Variants in RBM47 observed in about 807,000 individuals in gnomAD.
RBM47 encodes RNA binding motif protein 47, also known as RNA-binding protein 47.
Under a neutral mutation model 47.1 loss-of-function variants are expected in RBM47, and 21 were observed. That is an observed-to-expected ratio of 0.45 (90% CI 0.32 to 0.64). RBM47 has a LOEUF of 0.64. Ranked by LOEUF, RBM47 falls within the 30% of genes least tolerant of loss-of-function variation. The pLI, the probability that RBM47 is intolerant of heterozygous loss-of-function variation, is 0.05. For missense variants in RBM47, 708 were observed against 870.9 expected, an observed-to-expected ratio of 0.81 and a Z score of 2.35; for synonymous variants, 375 against 361.7, an observed-to-expected ratio of 1.04 and a Z score of -0.42.
chr4:40,437,110 T>TATATATAA lies in RBM47; in HGVS notation c.1124-464_1124-463insTTATATAT, dbSNP rs1434102827. Among the ~76,000 whole-genome samples the TATATATAA allele has an allele frequency of 4.5e-3, 269 of 59,608 alleles. 11 individuals are homozygous for TATATATAA. Among genetic ancestry groups the TATATATAA allele is most frequent in the African/African-American group, 5.7e-3 (59 of 10,342 alleles). The allele number at this position is 59,608 out of a possible 152,430, so 39.1% of individuals were successfully genotyped here. On this transcript the variant is annotated intron_variant, in intron 4 of 6. Transcript: ENST00000295971. ...AAAAAAATATATATATATATATATA[T>TATATATAA]AAAATACATATATATATATATAAAA...
At chr4:40,514,133 C>T (rs1473773744) in intron 2 of RBM47, among the ~76,000 whole-genome samples, 4 of 152,098 alleles carry the variant, frequency 2.6e-5, no homozygotes, top group East Asian at 3.8e-4. Flanking sequence ...TTTAGCAAAA[C>T]CTTTAAATGG....
chr4:40,590,624 G>C (rs574848873), intron 1 of RBM47, among the ~76,000 whole-genome samples: 1 of 152,280 alleles, frequency 6.6e-6, no homozygotes, highest in South Asian at 2.1e-4. Flanking sequence ...ACAGCCCAAA[G>C]GGCGGAACAA....
rs1270721042 is a variant in RBM47 at position 40,426,075 on chromosome 4, G to A, written c.1611C>T (p.Tyr537=). 2.7e-5 allele frequency: 44 copies of A among 1,614,094 alleles called. No homozygotes were observed. Among genetic ancestry groups the A allele is most frequent in the Non-Finnish European group, 3.5e-5 (41 of 1,180,052 alleles). Residue 537 remains tyrosine, a synonymous_variant, in exon 7 of 7, where the codon TAC becomes TAT. Transcript: ENST00000295971. ...CAGCAAATGGCACGTAACTGGCCCC[G>A]TAGATCCCGGCAGTAGGAATTCTCT... ...NVQRIPTAGI[Y]GASYVPFAAP...
intron 1 of RBM47, among the ~76,000 whole-genome samples, chr4:40,578,155 A>C (rs540096824): frequency 1.3e-5 from 2 of 152,322 alleles, no homozygotes; most frequent in Non-Finnish European, 2.9e-5. Context: ...CGAAGAAATA[A>C]CACCAAATTT....
intron 6 of RBM47, chr4:40,426,645 G>C (rs1042814204): frequency 6.5e-6 from 1 of 154,824 alleles, no homozygotes; most frequent in African/African-American, 2.4e-5. Context: ...AAAGTCTTGG[G>C]ACCCATACAC....
At chr4:40,607,150 A>ATGGACTAT (rs1476557323) in intron 1 of RBM47, among the ~76,000 whole-genome samples, 2 of 152,216 alleles carry the variant, frequency 1.3e-5, no homozygotes, top group Non-Finnish European at 2.9e-5. Flanking sequence ...TGTCCGTACA[A>ATGGACTAT]TGGACTATTA....
chr4:40,517,766 T>G lies in RBM47; in HGVS notation c.-155+26656A>C, dbSNP rs1045147621. Among the ~76,000 whole-genome samples, 3 of 152,226 alleles carry G rather than the reference T, an allele frequency of 2.0e-5. No individual in the cohort carries two copies. In the South Asian group the frequency reaches 6.2e-4, roughly 31 times the overall value. On this transcript the variant is annotated intron_variant, in intron 2 of 6. Transcript: ENST00000295971. ...GACGGCTGTGTCTGTACTAAACACATAGACTTCTTTTTCTTGTCATTATTC... is the reference window on the plus strand; with the variant it reads ...GACGGCTGTGTCTGTACTAAACACAGAGACTTCTTTTTCTTGTCATTATTC...
intron 2 of RBM47, among the ~76,000 whole-genome samples, chr4:40,521,567 G>A (rs1211224445): frequency 6.6e-6 from 1 of 152,208 alleles, no homozygotes; most frequent in Non-Finnish European, 1.5e-5. Context: ...GAAACAGAAA[G>A]TATGATAAAG....
chr4:40,529,928 C>G (rs1054682326), intron 2 of RBM47, among the ~76,000 whole-genome samples: 2 of 145,898 alleles, frequency 1.4e-5, no homozygotes, highest in East Asian at 2.0e-4. Context: ...GATATTAGAC[C>G]CCCTTTTTTT....
In RBM47 at chr4:40,487,674, C is replaced by T. The variant is rs552654969; in HGVS notation, c.-154-20975G>A. Among the ~76,000 whole-genome samples the T allele has an allele frequency of 3.2e-4, 49 of 152,142 alleles. No individual in the cohort carries two copies. In the South Asian group the frequency reaches 8.5e-3, roughly 26 times the overall value. ...CCTTTCACGTCCTGGCATAACACTT[C>T]GTAAGCATAGCTACACAAAGAATAA... On this transcript the variant is annotated intron_variant, in intron 2 of 6. Coordinates refer to ENST00000295971, the MANE Select transcript of RBM47 (RefSeq NM_001098634.2).
Position 40,424,160 on chromosome 4 carries a change from G to A in RBM47, c.*1744C>T, listed in dbSNP as rs995121654. ...AATTTAAAACAAAACAAAAGTACTT[G>A]CTAAGGGCATGATCCTCTTATGAAT... On this transcript the variant is annotated 3_prime_UTR_variant, in exon 7 of 7. Coordinates refer to ENST00000295971, the MANE Select transcript of RBM47 (RefSeq NM_001098634.2). 6.6e-6 allele frequency: 1 copy of A among 152,202 alleles called. No homozygotes were observed. Among genetic ancestry groups the A allele is most frequent in the African/African-American group, 2.4e-5 (1 of 41,434 alleles). The allele number at this position is 152,202 out of a possible 1,614,324, so 9.4% of individuals were successfully genotyped here.
intron 3 of RBM47, among the ~76,000 whole-genome samples, chr4:40,460,200 A>C (rs1399029499): frequency 1.3e-5 from 2 of 150,914 alleles, no homozygotes; most frequent in Non-Finnish European, 2.9e-5. Context: ...GGGAGCTATA[A>C]AATTTCCATC....
At chr4:40,489,210 G>A (rs546222750) in intron 2 of RBM47, among the ~76,000 whole-genome samples, 1 of 152,218 alleles carries the variant, frequency 6.6e-6, no homozygotes, top group Non-Finnish European at 1.5e-5. Flanking sequence ...AATGGAGCTT[G>A]GGGGAATGGA....
rs544544540 is a variant in RBM47 at position 40,528,522 on chromosome 4, A to C, written c.-155+15900T>G. On this transcript the variant is annotated intron_variant, in intron 2 of 6. Coordinates refer to ENST00000295971, the MANE Select transcript of RBM47 (RefSeq NM_001098634.2). ...TAACTACATATCTAAAATGGGAGCC[A>C]CCGTAATCCTAGCACTTGGGAGACC... Among the ~76,000 whole-genome samples the C allele has an allele frequency of 2.0e-5, 3 of 152,232 alleles. No individual in the cohort carries two copies. In the East Asian group the frequency reaches 5.8e-4, roughly 29 times the overall value.
chr4:40,588,058 A>G (rs1032399383), intron 1 of RBM47, among the ~76,000 whole-genome samples: 1 of 152,222 alleles, frequency 6.6e-6, no homozygotes, highest in African/African-American at 2.4e-5. Flanking sequence ...TGCAATTCAG[A>G]GGACCAGTGG....
Position 40,531,535 on chromosome 4 carries a change from C to G in RBM47, c.-155+12887G>C, listed in dbSNP as rs992099586. Among the ~76,000 whole-genome samples the G allele has an allele frequency of 3.3e-5, 5 of 151,900 alleles. No individual in the cohort carries two copies. In the East Asian group the frequency reaches 7.7e-4, roughly 23 times the overall value. On this transcript the variant is annotated intron_variant, in intron 2 of 6. Coordinates refer to ENST00000295971, the MANE Select transcript of RBM47 (RefSeq NM_001098634.2). ...GGACACCCTGAGGGTTTCAGAGGAG[C>G]CTGGAGAACACATTTTAGAAAGGCA...
intron 2 of RBM47, among the ~76,000 whole-genome samples, chr4:40,507,044 G>A (rs1213020793): frequency 6.6e-6 from 1 of 152,056 alleles, no homozygotes; most frequent in African/African-American, 2.4e-5. Flanking sequence ...GCAACCTCCA[G>A]CTCCCGGGTT....
At position 40,436,513 on chromosome 4, in the gene RBM47, C is replaced by G; in HGVS notation, c.1258G>C (p.Glu420Gln). The G allele has an allele frequency of 6.2e-7, 1 of 1,614,208 alleles. No homozygotes were observed. The highest frequency in any genetic ancestry group is 8.5e-7 in the Non-Finnish European group (1 of 1,180,032). Residue 420 changes from glutamate (E) to glutamine (Q), a missense_variant, in exon 5 of 7, where the codon GAA (glutamate) becomes CAA (glutamine). Glu to Gln is a conservative substitution (Grantham distance 29). Transcript: ENST00000295971. The part of the protein sequence containing the change: ...RYHEGKGKQQ[E>Q]KGYELVPNLE... ...TTCGGCACCAGTTCATATCCTTTTT[C>G]TTGCTGCTTTCCTTTCCCTTCATGA... is the stretch of plus-strand genomic sequence containing the variant.
intron 1 of RBM47, among the ~76,000 whole-genome samples, chr4:40,581,447 A>AATAAATAAAT (rs1180966866): frequency 6.7e-5 from 10 of 148,880 alleles, no homozygotes; most frequent in African/African-American, 2.3e-4. Flanking sequence ...TAAATAAATA[A>AATAAATAAAT]ATAAATAAAT....
Sources: allele counts gnomAD v4.1 joint callset (sites outside exome capture counted in the v4.1 genomes callset), GRCh38; gene constraint gnomAD v4.1.1; transcripts MANE v1.5; gene names NCBI Gene and HGNC (gene_info 2026-07-23, HGNC 2026-07-21).